ARHGAP18: variants seen among roughly 807,000 people sequenced by gnomAD.
The protein encoded by ARHGAP18 is Rho GTPase activating protein 18.
Under a neutral mutation model 86.2 loss-of-function variants are expected in ARHGAP18, and 67 were observed. The ratio of observed to expected loss-of-function variants is 0.78; its 90% CI spans 0.64 to 0.95. The LOEUF is 0.95. Among genes scored for constraint, ARHGAP18 ranks in the 40% least tolerant of loss-of-function variants. The pLI, the probability that ARHGAP18 is intolerant of heterozygous loss-of-function variation, is 0.00. For missense variants in ARHGAP18, 691 were observed against 780.4 expected (o/e 0.89, Z 1.37); for synonymous variants, 283 against 280.4 (o/e 1.01, Z -0.09).
intron 7 of ARHGAP18, among the ~76,000 whole-genome samples, chr6:129,613,769 T>C (rs185984502): frequency 6.6e-6 from 1 of 152,330 alleles, no homozygotes; most frequent in East Asian, 1.9e-4. Context: ...TAATACTTTA[T>C]AGCATTCCTT....
chr6:129,580,769 G>C (rs1172225590), intron 13 of ARHGAP18, among the ~76,000 whole-genome samples: 1 of 152,076 alleles, frequency 6.6e-6, no homozygotes, highest in Non-Finnish European at 1.5e-5. Context: ...TAGCTACTCG[G>C]GAGGCTGAGG....
intron 4 of ARHGAP18, among the ~76,000 whole-genome samples, chr6:129,633,456 A>ACTTTCTTCC (rs1046345967): frequency 7.7e-5 from 11 of 143,520 alleles, no homozygotes; most frequent in Non-Finnish European, 1.7e-4. Context: ...AAAAAAAGTT[A>ACTTTCTTCC]CTTTCTTCCA....
At chr6:129,656,566 C>A (rs1773841230) in intron 1 of ARHGAP18, among the ~76,000 whole-genome samples, 1 of 152,130 alleles carries the variant, frequency 6.6e-6, no homozygotes, top group African/African-American at 2.4e-5. Flanking sequence ...GCTTGAAGAA[C>A]CCGGGAGGCG....
At position 129,607,851 on chromosome 6, in the gene ARHGAP18, G is replaced by A. The variant is rs755084860; in HGVS notation, c.1282+42C>T. 4.0e-5 allele frequency: 61 copies of A among 1,535,492 alleles called. No homozygotes were observed. In the East Asian group the frequency reaches 1.4e-3, roughly 36 times the overall value. On this transcript the variant is annotated intron_variant, in intron 9 of 14. Transcript: ENST00000368149. ...TGTCATTAAAACAATTAACATAGAT[G>A]GCACCAGCAGAAGGACTGCTTCAAA...
chr6:129,676,339 C>A (rs560688382), intron 1 of ARHGAP18, among the ~76,000 whole-genome samples: 2 of 152,250 alleles, frequency 1.3e-5, no homozygotes, highest in African/African-American at 4.8e-5. Flanking sequence ...AGAGGGGGGG[C>A]AACAGGTCCA....
At chr6:129,599,491 G>T in intron 11 of ARHGAP18, 135 bp from the exon 12 acceptor site, 3 of 728,360 alleles carry the variant, frequency 4.1e-6, no homozygotes, top group Non-Finnish European at 6.0e-6. Context: ...CATTTTACAT[G>T]CACTATTCAT....
chr6:129,599,115 A>C, intron 12 of ARHGAP18, 101 bp downstream of exon 12: 1 of 987,866 alleles, frequency 1.0e-6, no homozygotes, highest in Admixed American at 3.7e-5. Flanking sequence ...ACAGCCTAAT[A>C]AGTGGCAGAA....
Position 129,634,016 on chromosome 6 carries a change from A to AC in ARHGAP18, c.616+25_616+26insG, listed in dbSNP as rs1773275694. On this transcript the variant is annotated intron_variant, in intron 4 of 14. Transcript: ENST00000368149. ...ACTAATTAAAGGGCGGAAAAAAAAA[A>AC]AAACAAGAGAACAGGTTCAACATAC... 4.4e-6 allele frequency: 7 copies of AC among 1,579,412 alleles called. No individual in the cohort carries two copies. In the East Asian group the frequency reaches 1.3e-4, roughly 30 times the overall value.
intron 1 of ARHGAP18, among the ~76,000 whole-genome samples, chr6:129,693,218 T>C (rs1018818312): frequency 3.9e-5 from 6 of 152,204 alleles, no homozygotes; most frequent in East Asian, 1.9e-4. Flanking sequence ...ATCTAGATTG[T>C]TGGGGAAGAC....
Position 129,593,780 on chromosome 6 carries a change from T to G in ARHGAP18, c.1713+5436A>C, listed in dbSNP as rs75375095. Among the ~76,000 whole-genome samples the G allele has an allele frequency of 9.4e-3, 1,428 of 152,306 alleles. 25 individuals are homozygous for G. Among genetic ancestry groups the G allele is most frequent in the African/African-American group, 0.033 (1,374 of 41,554 alleles). On this transcript the variant is annotated intron_variant, in intron 12 of 14. Coordinates refer to ENST00000368149, the MANE Select transcript of ARHGAP18 (RefSeq NM_033515.3). Reference sequence around the variant, plus strand: ...AACTGTTTCTTCCTACTATAATTAATGGATAAGACATACTAGTATTTAAGA... The same window carrying G: ...AACTGTTTCTTCCTACTATAATTAAGGGATAAGACATACTAGTATTTAAGA...
chr6:129,707,042 C>T (rs563963353), intron 1 of ARHGAP18, among the ~76,000 whole-genome samples: 38 of 151,384 alleles, frequency 2.5e-4, no homozygotes, highest in Non-Finnish European at 5.0e-4. Context: ...GCCTGACCAA[C>T]ATGGAGAAAC....
At chr6:129,636,574 T>C (rs1773337221) in intron 3 of ARHGAP18, among the ~76,000 whole-genome samples, 1 of 152,300 alleles carries the variant, frequency 6.6e-6, no homozygotes, top group Non-Finnish European at 1.5e-5. Context: ...TACAGGACAC[T>C]GAGCAAGTTA....
intron 1 of ARHGAP18, among the ~76,000 whole-genome samples, chr6:129,656,306 A>T (rs925488100): frequency 6.6e-6 from 1 of 152,248 alleles, no homozygotes; most frequent in Admixed American, 6.5e-5. Flanking sequence ...ACTGCTAGTT[A>T]AACATAGGCA....
chr6:129,705,283 G>T lies in ARHGAP18; in HGVS notation c.113+4741C>A, dbSNP rs188156251. 1.3e-5 allele frequency among the ~76,000 whole-genome samples: 2 copies of T among 152,346 alleles called. 1 individual carries two copies. Among genetic ancestry groups the T allele is most frequent in the East Asian group, 3.9e-4 (2 of 5,194 alleles). ...TCAAGAACTGAGATAAGCTTATAAA[G>T]ATGATAGTCCTCTTCCATTTGGCAT... On this transcript the variant is annotated intron_variant, in intron 1 of 14. Transcript: ENST00000368149.
At chr6:129,672,748 A>T (rs1220079624) in intron 1 of ARHGAP18, among the ~76,000 whole-genome samples, 1 of 152,242 alleles carries the variant, frequency 6.6e-6, no homozygotes, top group Admixed American at 6.5e-5. Flanking sequence ...GTCTTTGTTC[A>T]TGCTCTATGG....
At chr6:129,668,774 T>C (rs1446917230) in intron 1 of ARHGAP18, among the ~76,000 whole-genome samples, 1 of 152,150 alleles carries the variant, frequency 6.6e-6, no homozygotes, top group Non-Finnish European at 1.5e-5. Flanking sequence ...GTCTACCATG[T>C]TGTGCACTGC....
At chr6:129,698,633 C>T (rs1287598630) in intron 1 of ARHGAP18, among the ~76,000 whole-genome samples, 2 of 149,706 alleles carry the variant, frequency 1.3e-5, no homozygotes, top group African/African-American at 4.9e-5. Flanking sequence ...ACCTCCATTT[C>T]AGGGTTCAAG....
intron 12 of ARHGAP18, among the ~76,000 whole-genome samples, chr6:129,587,597 C>G (rs112951165): frequency 1.3e-5 from 2 of 152,070 alleles, no homozygotes; most frequent in African/African-American, 4.8e-5. Flanking sequence ...CACAGGACAG[C>G]AGGAGAGAGA....
chr6:129,605,923 T>G lies in ARHGAP18; in HGVS notation c.1319A>C (p.Asn440Thr), dbSNP rs777550443. The G allele has an allele frequency of 6.2e-7, 1 of 1,613,662 alleles. No homozygotes were observed. The highest frequency in any genetic ancestry group is 8.5e-7 in the Non-Finnish European group (1 of 1,179,638). Residue 440 changes from asparagine (N) to threonine (T), a missense_variant, in exon 10 of 15, where the codon AAC (asparagine) becomes ACC (threonine). Physicochemically the swap from Asn to Thr is moderately conservative, Grantham distance 65. Transcript: ENST00000368149. ...ATCAGGTAGGAGGATGACAAGAAGG[T>G]TCAAAGCCTGTAGTTGCTGCTTCTT... ...PTKKQQLQAL[N>T]LLVILLPDAN...
Sources: allele counts gnomAD v4.1 joint callset (sites outside exome capture counted in the v4.1 genomes callset), GRCh38; gene constraint gnomAD v4.1.1; transcripts MANE v1.5; gene names NCBI Gene and HGNC (gene_info 2026-07-23, HGNC 2026-07-21).